The following GSAP variants were observed in gnomAD, a reference collection of about 807,000 sequenced individuals.
GSAP encodes the protein gamma-secretase-activating protein.
A neutral mutation model predicts 131.7 loss-of-function variants in GSAP; 118 were observed. The observed-to-expected ratio is 0.90, with a 90% CI of 0.77 to 1.04. GSAP has a LOEUF of 1.04. GSAP is among the 50% of genes least tolerant of loss of function. GSAP has a pLI of 0.00. For synonymous variants in GSAP, 381 were observed against 363.4 expected (o/e 1.05, Z -0.55); for missense variants, 1,019 against 1,013.2 (o/e 1.01, Z -0.08).
At chr7:77,388,637 T>C (rs1798934900) in intron 5 of GSAP, among the ~76,000 whole-genome samples, 1 of 152,372 alleles carries the variant, frequency 6.6e-6, no homozygotes, top group South Asian at 2.1e-4. Context: ...TATGATCCAG[T>C]GTCTCTCAGT....
intron 7 of GSAP, 130 bp from the exon 8 acceptor site, chr7:77,381,484 T>C (rs976191369): frequency 2.0e-6 from 1 of 497,902 alleles, no homozygotes; most frequent in Non-Finnish European, 3.5e-6. Context: ...AAAACAACAC[T>C]ATCACAAACT....
chr7:77,330,258 T>C lies in GSAP; in HGVS notation c.1655A>G (p.His552Arg). ...TCATACCTCTTCAGAGATCAGGTTG[T>C]GCCACTCTCTCCTGACCACACTGTT... The part of the protein sequence containing the change: ...YNNSVVRREW[H>R]NLISEEKTGK... The change falls in exon 20 of 31, where the codon CAC (histidine) becomes CGC (arginine). Residue 552 changes from histidine to arginine, a missense_variant. Physicochemically the swap from His to Arg is conservative, Grantham distance 29 (BLOSUM62 0). Transcript: ENST00000257626. 6.2e-7 allele frequency: 1 copy of C among 1,612,862 alleles called. No homozygotes were observed. Among genetic ancestry groups the C allele is most frequent in the Non-Finnish European group, 8.5e-7 (1 of 1,179,326 alleles).
chr7:77,321,594 C>T (rs1330720409), intron 24 of GSAP, among the ~76,000 whole-genome samples, 191 bp from the exon 25 acceptor site: 1 of 152,168 alleles, frequency 6.6e-6, no homozygotes, highest in Non-Finnish European at 1.5e-5. Flanking sequence ...AAATGTGCAC[C>T]AGAAACTAAC....
chr7:77,312,185 A>G lies in GSAP; in HGVS notation c.2289T>C (p.Ile763=), dbSNP rs1271539169. Residue 763 remains isoleucine, a synonymous_variant, in exon 29 of 31, where the codon ATT becomes ATC. Transcript: ENST00000257626. ...VRLPPLIGQK[I]CRLWDHPMSS... ...TCATAGGATGATCCCAAAGTCTACA[A>G]ATCTTCTGCCCAATAAGCTATTATG... 6.9e-6 allele frequency: 11 copies of G among 1,595,400 alleles called. No homozygotes were observed. Among genetic ancestry groups the G allele is most frequent in the Non-Finnish European group, 9.4e-6 (11 of 1,171,930 alleles).
intron 1 of GSAP, among the ~76,000 whole-genome samples, chr7:77,407,369 G>C (rs1369352438): frequency 6.6e-6 from 1 of 152,074 alleles, no homozygotes; most frequent in Non-Finnish European, 1.5e-5. Flanking sequence ...TTTATAAGCA[G>C]TATCCACTTG....
chr7:77,352,880 C>A, intron 18 of GSAP, 64 bp downstream of exon 18: 2 of 933,306 alleles, frequency 2.1e-6, no homozygotes, highest in Admixed American at 1.8e-5. Flanking sequence ...GAGAGGTGTC[C>A]AACAACTGAC....
intron 6 of GSAP, among the ~76,000 whole-genome samples, chr7:77,383,790 A>C (rs1344626412): frequency 6.6e-6 from 1 of 152,210 alleles, no homozygotes; most frequent in East Asian, 1.9e-4. Context: ...CAAAACTTGA[A>C]AGTAATATAA....
intron 9 of GSAP, 114 bp downstream of exon 9, chr7:77,377,172 A>T: frequency 1.8e-6 from 2 of 1,142,782 alleles, no homozygotes; most frequent in East Asian, 2.9e-5. Flanking sequence ...AGCTATGATC[A>T]CACCACTGCA....
chr7:77,320,873 C>T, intron 25 of GSAP, 54 bp from the exon 26 acceptor site: 1 of 1,084,610 alleles, frequency 9.2e-7, no homozygotes. Flanking sequence ...CTGTGATGCT[C>T]CATTTGTCCT....
At chr7:77,394,796 A>G (rs1341036046) in intron 5 of GSAP, among the ~76,000 whole-genome samples, 1 of 152,212 alleles carries the variant, frequency 6.6e-6, no homozygotes, top group Non-Finnish European at 1.5e-5. Flanking sequence ...ATCATGCCCA[A>G]CCATACTTCC....
At chr7:77,372,224 TG>T (rs1796235139) in intron 12 of GSAP, among the ~76,000 whole-genome samples, 2 of 152,244 alleles carry the variant, frequency 1.3e-5, no homozygotes, top group African/African-American at 4.8e-5. Flanking sequence ...ACAAATGGCC[TG>T]GACTTTTCAA....
At chr7:77,377,087 C>T (rs1328286629) in intron 9 of GSAP, among the ~76,000 whole-genome samples, 180 bp from the exon 10 acceptor site, 1 of 151,760 alleles carries the variant, frequency 6.6e-6, no homozygotes, top group Non-Finnish European at 1.5e-5. Flanking sequence ...AGCACTATGG[C>T]TCATGCCTGT....
At chr7:77,413,767 G>C (rs1048931272) in intron 1 of GSAP, among the ~76,000 whole-genome samples, 2 of 152,048 alleles carry the variant, frequency 1.3e-5, no homozygotes, top group African/African-American at 4.8e-5. Flanking sequence ...GAAAGAAATA[G>C]AATCAGAAAG....
chr7:77,340,662 T>C (rs1161140742), intron 19 of GSAP, among the ~76,000 whole-genome samples: 2 of 152,228 alleles, frequency 1.3e-5, no homozygotes, highest in African/African-American at 4.8e-5. Flanking sequence ...AGTCACAGAC[T>C]CGGGAAGATA....
chr7:77,403,800 T>C (rs996278271), intron 3 of GSAP, among the ~76,000 whole-genome samples: 5 of 152,220 alleles, frequency 3.3e-5, no homozygotes, highest in African/African-American at 9.7e-5. Flanking sequence ...CACCTCACTT[T>C]GTGGTCCAAT....
At chr7:77,408,689 CA>C (rs749202124) in intron 1 of GSAP, among the ~76,000 whole-genome samples, 5,930 of 67,114 alleles carry the variant, frequency 0.088, 123 homozygotes, top group East Asian at 0.3. Context: ...ACTCTGCCTC[CA>C]AAAAAAAAAA....
At chr7:77,397,851 T>C (rs1800681742) in intron 3 of GSAP, among the ~76,000 whole-genome samples, 2 of 152,190 alleles carry the variant, frequency 1.3e-5, no homozygotes, top group African/African-American at 4.8e-5. Flanking sequence ...CAATAAGCAC[T>C]CAAATGTTAG....
intron 1 of GSAP, chr7:77,415,936 G>C: frequency 2.8e-6 from 1 of 356,800 alleles, no homozygotes; most frequent in Non-Finnish European, 5.1e-6. Context: ...CCAGCGGCCC[G>C]GCCCCTCTGC....
At chr7:77,362,857 T>C (rs963395247) in intron 12 of GSAP, among the ~76,000 whole-genome samples, 197 bp from the exon 13 acceptor site, 1 of 152,212 alleles carries the variant, frequency 6.6e-6, no homozygotes, top group Non-Finnish European at 1.5e-5. Flanking sequence ...GTGCACACTA[T>C]ATAGCAACAT....
Sources: allele counts gnomAD v4.1 joint callset (sites outside exome capture counted in the v4.1 genomes callset), GRCh38; gene constraint gnomAD v4.1.1; transcripts MANE v1.5; gene names NCBI Gene and HGNC (gene_info 2026-07-23, HGNC 2026-07-21).